Variants in LRRC4C observed in about 807,000 individuals in gnomAD.
LRRC4C encodes the protein leucine-rich repeat-containing protein 4C.
Under a neutral mutation model 33.6 loss-of-function variants are expected in LRRC4C, and 5 were observed. That is an observed-to-expected ratio of 0.15 (90% CI 0.08 to 0.31). LRRC4C has a LOEUF of 0.31. Among genes scored for constraint, LRRC4C ranks in the 10% least tolerant of loss-of-function variants. The pLI is 1.00. For missense variants in LRRC4C, 560 were observed against 796.7 expected, an observed-to-expected ratio of 0.70 and a Z score of 3.58; for synonymous variants, 329 against 302.0, an observed-to-expected ratio of 1.09 and a Z score of -0.93.
intron 3 of LRRC4C, among the ~76,000 whole-genome samples, chr11:40,378,484 G>A (rs1438243623): frequency 2.6e-4 from 39 of 151,928 alleles, no homozygotes; most frequent in Admixed American, 2.6e-3. Flanking sequence ...TCTTACAAAA[G>A]ATAGTGTTTG....
chr11:40,822,697 A>G (rs1009764685), intron 2 of LRRC4C, among the ~76,000 whole-genome samples: 3 of 151,458 alleles, frequency 2.0e-5, no homozygotes, highest in Non-Finnish European at 4.4e-5. Context: ...CCATTTGTCT[A>G]TTTTTATTTG....
chr11:40,577,264 T>C (rs1170557476), intron 3 of LRRC4C, among the ~76,000 whole-genome samples: 3 of 152,200 alleles, frequency 2.0e-5, no homozygotes, highest in African/African-American at 7.2e-5. Flanking sequence ...ATAAAGCCTA[T>C]GGGAAAACCA....
At chr11:40,977,200 T>C (rs1055399035) in intron 1 of LRRC4C, among the ~76,000 whole-genome samples, 1 of 152,042 alleles carries the variant, frequency 6.6e-6, no homozygotes, top group African/African-American at 2.4e-5. Context: ...CGATAGACTG[T>C]AAATATAGAT....
chr11:41,330,742 A>G (rs949545737), intron 1 of LRRC4C, among the ~76,000 whole-genome samples: 14 of 152,002 alleles, frequency 9.2e-5, no homozygotes, highest in Admixed American at 9.2e-4. Context: ...TAAGATTTTT[A>G]GTATATATGC....
At position 41,183,811 on chromosome 11, in the gene LRRC4C, G is replaced by C. The variant is rs907018556; in HGVS notation, c.-495-250088C>G. Among the ~76,000 whole-genome samples the C allele has an allele frequency of 3.9e-5, 6 of 152,156 alleles. No homozygotes were observed. The East Asian group carries it at 5.8e-4, about 15-fold the overall frequency. On this transcript the variant is annotated intron_variant, in intron 1 of 6. Transcript: ENST00000528697. ...CTGCCTTAGCAGAGGTTCTCCATGA[G>C]AGCCCCATCACTGCAGCAAACTTTT...
chr11:40,601,917 G>A (rs536215142), intron 3 of LRRC4C, among the ~76,000 whole-genome samples: 100 of 152,048 alleles, frequency 6.6e-4, no homozygotes, highest in African/African-American at 2.2e-3. Context: ...TGGGCTGAGC[G>A]CAGTGGCTCA....
intron 3 of LRRC4C, among the ~76,000 whole-genome samples, chr11:40,622,439 A>C (rs1005102630): frequency 7.2e-5 from 11 of 151,862 alleles, no homozygotes; most frequent in African/African-American, 2.7e-4. Flanking sequence ...TCTGCCTCAA[A>C]ATACCCTGCA....
intron 4 of LRRC4C, among the ~76,000 whole-genome samples, chr11:40,294,863 A>T (rs1034709664): frequency 6.6e-6 from 1 of 151,974 alleles, no homozygotes; most frequent in Non-Finnish European, 1.5e-5. Context: ...AAAAAAAAAG[A>T]ATAGGCTCAT....
intron 3 of LRRC4C, among the ~76,000 whole-genome samples, chr11:40,627,216 C>T (rs1031142130): frequency 6.7e-6 from 1 of 149,706 alleles, no homozygotes; most frequent in Non-Finnish European, 1.5e-5. Context: ...TGACTACCTA[C>T]CAATATTTCA....
At position 40,575,279 on chromosome 11, in the gene LRRC4C, A is replaced by G. The variant is rs78806552; in HGVS notation, c.-270+72863T>C. Among the ~76,000 whole-genome samples, 540 of 152,206 alleles carry G rather than the reference A, an allele frequency of 3.5e-3. 5 individuals are homozygous for G. The highest frequency in any genetic ancestry group is 0.011 in the African/African-American group (456 of 41,544). Reference sequence around the variant, plus strand: ...AGCCATATGTAGTTTTGCTGCCTACATTCTCATTTTCTTTTATATTCTTTC... The same window carrying G: ...AGCCATATGTAGTTTTGCTGCCTACGTTCTCATTTTCTTTTATATTCTTTC... On this transcript the variant is annotated intron_variant, in intron 3 of 6. Transcript: ENST00000528697.
chr11:40,750,029 T>C (rs1270883225), intron 2 of LRRC4C, among the ~76,000 whole-genome samples: 2 of 152,150 alleles, frequency 1.3e-5, no homozygotes, highest in East Asian at 3.9e-4. Context: ...GTGACCAGCC[T>C]GGCCAACATG....
chr11:41,225,919 C>T (rs568869490), intron 1 of LRRC4C, among the ~76,000 whole-genome samples: 12 of 152,194 alleles, frequency 7.9e-5, no homozygotes, highest in African/African-American at 2.9e-4. Context: ...TGCCACTCAC[C>T]TCAACAGGAC....
chr11:40,714,140 A>T (rs1039150319), intron 2 of LRRC4C, among the ~76,000 whole-genome samples: 1 of 152,150 alleles, frequency 6.6e-6, no homozygotes, highest in African/African-American at 2.4e-5. Flanking sequence ...AGTGAGCCTC[A>T]TGGGAAGCCT....
intron 1 of LRRC4C, among the ~76,000 whole-genome samples, chr11:41,325,347 A>G (rs1951077359): frequency 6.6e-6 from 1 of 152,194 alleles, no homozygotes; most frequent in Non-Finnish European, 1.5e-5. Context: ...AGTCTGTGCC[A>G]TGACTATGCT....
intron 2 of LRRC4C, among the ~76,000 whole-genome samples, chr11:40,669,879 T>C (rs1944000584): frequency 6.6e-6 from 1 of 152,218 alleles, no homozygotes; most frequent in Non-Finnish European, 1.5e-5. Flanking sequence ...TTTTACTTAA[T>C]ATTGAACTAA....
intron 5 of LRRC4C, among the ~76,000 whole-genome samples, chr11:40,203,840 T>G (rs1045400663): frequency 1.3e-5 from 2 of 152,206 alleles, no homozygotes; most frequent in African/African-American, 4.8e-5. Flanking sequence ...ATGGAATTCC[T>G]TGTGAGCTGC....
intron 3 of LRRC4C, among the ~76,000 whole-genome samples, chr11:40,628,293 C>T (rs529710451): frequency 2.6e-5 from 4 of 151,874 alleles, no homozygotes; most frequent in East Asian, 1.9e-4. Flanking sequence ...CTGGCTAACA[C>T]GGTGAAACCC....
At chr11:40,840,919 A>G (rs114494696) in intron 2 of LRRC4C, among the ~76,000 whole-genome samples, 3,491 of 152,224 alleles carry the variant, frequency 0.023, 144 homozygotes, top group African/African-American at 0.08. Flanking sequence ...TTATCAATCA[A>G]CCTCTCTTGT....
At chr11:41,132,637 G>A (rs776424457) in intron 1 of LRRC4C, among the ~76,000 whole-genome samples, 16 of 152,204 alleles carry the variant, frequency 1.1e-4, no homozygotes, top group Admixed American at 2.0e-4. Context: ...TTAAGCAATT[G>A]TGGGTGGTTT....
Sources: allele counts gnomAD v4.1 joint callset (sites outside exome capture counted in the v4.1 genomes callset), GRCh38; gene constraint gnomAD v4.1.1; transcripts MANE v1.5; gene names NCBI Gene and HGNC (gene_info 2026-07-23, HGNC 2026-07-21).